Variants in HS6ST3 observed in about 807,000 individuals in gnomAD.
HS6ST3 encodes heparan-sulfate 6-O-sulfotransferase 3.
In HS6ST3, 12 loss-of-function variants were observed where a neutral mutation model predicts 36.7. The ratio of observed to expected loss-of-function variants is 0.33; its 90% CI spans 0.21 to 0.53. HS6ST3 has a LOEUF of 0.53. Among genes scored for constraint, HS6ST3 ranks in the 20% least tolerant of loss-of-function variants. The probability of loss-of-function intolerance (pLI) is 0.95; values close to 1 mark genes in which losing one functional copy is unlikely to be tolerated. For synonymous variants in HS6ST3, 240 were observed against 257.5 expected, an observed-to-expected ratio of 0.93 and a Z score of 0.65; for missense variants, 584 against 640.9, an observed-to-expected ratio of 0.91 and a Z score of 0.96.
At chr13:96,375,621 A>G (rs1480806516) in intron 1 of HS6ST3, among the ~76,000 whole-genome samples, 1 of 152,180 alleles carries the variant, frequency 6.6e-6, no homozygotes, top group Non-Finnish European at 1.5e-5. Flanking sequence ...TTGGTTCTCA[A>G]TTATTTGTCT....
intron 1 of HS6ST3, among the ~76,000 whole-genome samples, chr13:96,475,612 C>CAAAAAAAAAAAAAAAAAAAAA (rs1251970502): frequency 1.1e-5 from 1 of 91,580 alleles, no homozygotes. Flanking sequence ...GGAGTACTAC[C>CAAAAAAAAAAAAAAAAAAAAA]AAAAAAAAAA....
intron 1 of HS6ST3, among the ~76,000 whole-genome samples, chr13:96,512,693 T>C (rs182517641): frequency 6.6e-6 from 1 of 152,216 alleles, no homozygotes; most frequent in African/African-American, 2.4e-5. Flanking sequence ...TAGTTCATTG[T>C]TGTAGAAAAA....
At chr13:96,471,498 C>T (rs1404265379) in intron 1 of HS6ST3, among the ~76,000 whole-genome samples, 1 of 152,074 alleles carries the variant, frequency 6.6e-6, no homozygotes, top group Non-Finnish European at 1.5e-5. Flanking sequence ...AACAGGCACT[C>T]AGTGTATGTC....
At chr13:96,126,445 A>C (rs2053951641) in intron 1 of HS6ST3, among the ~76,000 whole-genome samples, 1 of 152,190 alleles carries the variant, frequency 6.6e-6, no homozygotes, top group African/African-American at 2.4e-5. Flanking sequence ...GAATTTACTA[A>C]GACAGTTGTA....
chr13:96,231,558 G>A (rs2054508416), intron 1 of HS6ST3, among the ~76,000 whole-genome samples: 1 of 151,982 alleles, frequency 6.6e-6, no homozygotes, highest in Non-Finnish European at 1.5e-5. Context: ...CAGATCTCAT[G>A]ATAACTCACT....
intron 1 of HS6ST3, among the ~76,000 whole-genome samples, chr13:96,288,680 A>G (rs2054815451): frequency 6.6e-6 from 1 of 152,122 alleles, no homozygotes. Flanking sequence ...GATAAAGACC[A>G]TTTACTAAAA....
At chr13:96,726,269 C>T (rs113972014) in intron 1 of HS6ST3, among the ~76,000 whole-genome samples, 1,842 of 152,222 alleles carry the variant, frequency 0.012, 31 homozygotes, top group African/African-American at 0.042. Flanking sequence ...ACAGAAGTTC[C>T]TGCTGGGATT....
chr13:96,836,176 G>GT lies in HS6ST3; in HGVS notation c.*2979dup, dbSNP rs1366527103. 1 of 152,168 alleles carries GT rather than the reference G, an allele frequency of 6.6e-6. No homozygotes were observed. The highest frequency in any genetic ancestry group is 2.4e-5 in the African/African-American group (1 of 41,430). 9.4% of individuals were successfully genotyped at this position (152,168 alleles called of 1,614,324 possible). A position where few individuals can be genotyped will look rare whatever the true frequency, so the allele number is the denominator to read the frequency against. ...CCAAATCAACTCCAGATATATCAGT[G>GT]TCAAAAGCCCAAGAAAAGACAAAAA... On this transcript the variant is annotated 3_prime_UTR_variant, in exon 2 of 2. Transcript: ENST00000376705.
intron 1 of HS6ST3, among the ~76,000 whole-genome samples, chr13:96,512,475 T>TATG (rs1430094781): frequency 6.6e-6 from 1 of 152,200 alleles, no homozygotes; most frequent in Non-Finnish European, 1.5e-5. Flanking sequence ...TTATACTGAC[T>TATG]AATGAATAAT....
At chr13:96,226,160 A>G (rs888583284) in intron 1 of HS6ST3, among the ~76,000 whole-genome samples, 1 of 152,232 alleles carries the variant, frequency 6.6e-6, no homozygotes, top group Admixed American at 6.5e-5. Flanking sequence ...AGAACACTTA[A>G]AAACAACCAA....
At chr13:96,788,172 G>T (rs1321646790) in intron 1 of HS6ST3, among the ~76,000 whole-genome samples, 2 of 151,852 alleles carry the variant, frequency 1.3e-5, no homozygotes, top group Non-Finnish European at 2.9e-5. Flanking sequence ...AAATCAGATA[G>T]TGTGAGTCCT....
At chr13:96,465,658 G>T (rs1466662079) in intron 1 of HS6ST3, among the ~76,000 whole-genome samples, 2 of 152,142 alleles carry the variant, frequency 1.3e-5, no homozygotes, top group African/African-American at 4.8e-5. Context: ...GAGCAAAAAA[G>T]AGAGTCTGAG....
intron 1 of HS6ST3, among the ~76,000 whole-genome samples, chr13:96,461,923 A>C (rs577767652): frequency 6.6e-6 from 1 of 152,350 alleles, no homozygotes; most frequent in Non-Finnish European, 1.5e-5. Context: ...ATCTAATAAA[A>C]GTTCTAAGCA....
intron 1 of HS6ST3, among the ~76,000 whole-genome samples, chr13:96,469,735 T>C (rs941768277): frequency 5.9e-5 from 9 of 151,960 alleles, no homozygotes; most frequent in Non-Finnish European, 8.8e-5. Context: ...ATGGTGATGG[T>C]GGTGATGGCG....
At chr13:96,786,833 A>G (rs1311773223) in intron 1 of HS6ST3, among the ~76,000 whole-genome samples, 2 of 151,248 alleles carry the variant, frequency 1.3e-5, no homozygotes, top group Non-Finnish European at 2.9e-5. Context: ...ACTGAGATGC[A>G]GAACAGTTCC....
At chr13:96,493,209 T>A (rs1205311818) in intron 1 of HS6ST3, among the ~76,000 whole-genome samples, 1 of 152,210 alleles carries the variant, frequency 6.6e-6, no homozygotes, top group Non-Finnish European at 1.5e-5. Flanking sequence ...AAAAAAGATC[T>A]GACTATACCC....
chr13:96,460,832 C>G lies in HS6ST3; in HGVS notation c.707+369263C>G, dbSNP rs115271076. On this transcript the variant is annotated intron_variant, in intron 1 of 1. Coordinates refer to ENST00000376705, the MANE Select transcript of HS6ST3 (RefSeq NM_153456.4). ...AGACCTATTTGACTTGTCTCTCTTT[C>G]AATGGTGTGGTTCAGAGCATATAGT... 6.5e-3 allele frequency among the ~76,000 whole-genome samples: 994 copies of G among 152,218 alleles called. 6 individuals carry two copies. The highest frequency in any genetic ancestry group is 0.023 in the African/African-American group (953 of 41,526).
intron 1 of HS6ST3, among the ~76,000 whole-genome samples, chr13:96,120,798 C>G (rs1003265573): frequency 2.0e-5 from 3 of 152,150 alleles, no homozygotes; most frequent in East Asian, 1.9e-4. Context: ...CTCTGACATA[C>G]AAGAAGCCAA....
At chr13:96,640,745 G>A (rs1003891776) in intron 1 of HS6ST3, among the ~76,000 whole-genome samples, 5 of 151,940 alleles carry the variant, frequency 3.3e-5, no homozygotes, top group Admixed American at 2.6e-4. Flanking sequence ...ATGATTATAG[G>A]TAGGGGTCCA....
Sources: gnomAD v4.1 joint callset for allele counts (sites outside exome capture counted in the v4.1 genomes callset) on GRCh38, gnomAD v4.1.1 for gene constraint, MANE v1.5 for transcripts, NCBI Gene and HGNC (gene_info 2026-07-23, HGNC 2026-07-21) for gene names.